The following CLDN12 variants were observed in gnomAD, a reference collection of about 807,000 sequenced individuals.
CLDN12 encodes the protein claudin-12.
CLDN12 carries 9 observed loss-of-function variants against 15.5 expected under a neutral mutation model. That is an observed-to-expected ratio of 0.58 (90% confidence interval 0.35 to 1.02). CLDN12 has a LOEUF of 1.02. Ranked by LOEUF, CLDN12 falls within the 50% of genes least tolerant of loss-of-function variation. CLDN12 has a pLI of 0.02. For missense variants in CLDN12, 233 were observed against 297.3 expected (o/e 0.78, Z 1.59); for synonymous variants, 140 against 121.6 (o/e 1.15, Z -1.00).
chr7:90,408,094 A>G (rs1319462261), intron 2 of CLDN12, among the ~76,000 whole-genome samples: 1 of 152,234 alleles, frequency 6.6e-6, no homozygotes, highest in Non-Finnish European at 1.5e-5. Context: ...AAACTAATTG[A>G]CACAGCACAA....
At chr7:90,406,689 G>A (rs978030047) in intron 2 of CLDN12, among the ~76,000 whole-genome samples, 11 of 152,206 alleles carry the variant, frequency 7.2e-5, no homozygotes, top group African/African-American at 1.2e-4. Flanking sequence ...GACTTGTCCA[G>A]TTTGTAAATG....
chr7:90,414,109 T>C lies in CLDN12; in HGVS notation c.*698T>C. On this transcript the variant is annotated 3_prime_UTR_variant, in exon 4 of 4. Coordinates refer to ENST00000496677, the MANE Select transcript of CLDN12 (RefSeq NM_001185072.3). ...TTGTATTATTGGGATTAGAATGTGC[T>C]TTATGACAGGTTAGTGTTTCCTCTG... The C allele has an allele frequency of 1.0e-6, 1 of 1,000,208 alleles. No individual in the cohort carries two copies. Among genetic ancestry groups the C allele is most frequent in the Non-Finnish European group, 1.2e-6 (1 of 829,970 alleles). 62.0% of individuals were successfully genotyped at this position (1,000,208 alleles called of 1,614,324 possible).
At chr7:90,410,347 G>A (rs1796933149) in intron 2 of CLDN12, among the ~76,000 whole-genome samples, 1 of 151,990 alleles carries the variant, frequency 6.6e-6, no homozygotes, top group Non-Finnish European at 1.5e-5. Flanking sequence ...AATACTGACA[G>A]AAGGTAACAT....
Position 90,413,377 on chromosome 7 carries a change from A to C in CLDN12, c.701A>C (p.Glu234Ala), listed in dbSNP as rs749880828. The C allele has an allele frequency of 3.1e-6, 5 of 1,613,836 alleles. No individual in the cohort carries two copies. The highest frequency in any genetic ancestry group is 1.6e-4 in the Middle Eastern group (1 of 6,084). Residue 234 changes from glutamate (E) to alanine (A), a missense_variant, in exon 4 of 4, where the codon GAA becomes GCA. Transcript: ENST00000496677. ...GCACGCTCTCGCCTCTCTGCCATTGAAATTGACATTCCAGTAGTTTCACAC... is the reference window on the plus strand; with the variant it reads ...GCACGCTCTCGCCTCTCTGCCATTGCAATTGACATTCCAGTAGTTTCACAC... Reference protein sequence around the residue: ...YSARSRLSAIEIDIPVVSHTT With the variant: ...YSARSRLSAIAIDIPVVSHTT
chr7:90,410,886 A>G (rs148037721), intron 2 of CLDN12, among the ~76,000 whole-genome samples: 6 of 152,138 alleles, frequency 3.9e-5, no homozygotes, highest in Admixed American at 3.3e-4. Context: ...GGTCCCAGCT[A>G]CTCAGGAGGC....
At chr7:90,408,071 T>A (rs967480051) in intron 2 of CLDN12, among the ~76,000 whole-genome samples, 1 of 152,156 alleles carries the variant, frequency 6.6e-6, no homozygotes, top group Admixed American at 6.5e-5. Flanking sequence ...TTGAAAAAAA[T>A]TATTGTGGAT....
chr7:90,406,719 C>G lies in CLDN12; in HGVS notation c.-77+1111C>G, dbSNP rs535066695. ...TAAATGATAGGTTATGAATGTTATT[C>G]AGGTCTTTGGTCTCCTGGACAACAA... On this transcript the variant is annotated intron_variant, in intron 2 of 3. Coordinates refer to ENST00000496677, the MANE Select transcript of CLDN12 (RefSeq NM_001185072.3). 1.4e-3 allele frequency among the ~76,000 whole-genome samples: 220 copies of G among 152,190 alleles called. 1 individual carries two copies. The highest frequency in any genetic ancestry group is 5.2e-3 in the African/African-American group (214 of 41,538).
chr7:90,410,254 C>T (rs1045027562), intron 2 of CLDN12, among the ~76,000 whole-genome samples: 3 of 151,772 alleles, frequency 2.0e-5, no homozygotes, highest in African/African-American at 7.3e-5. Flanking sequence ...AGCAAGACAG[C>T]TTTTTCCCAA....
chr7:90,404,528 AT>A (rs569266632), intron 1 of CLDN12, among the ~76,000 whole-genome samples: 12 of 150,140 alleles, frequency 8.0e-5, no homozygotes, highest in African/African-American at 1.5e-4. Flanking sequence ...TGGTGGAACT[AT>A]TTTTTTTTTA....
rs767652846 is a variant in CLDN12, at chr7:90,412,799, C to T, written c.123C>T (p.Phe41=). The T allele has an allele frequency of 3.1e-6, 5 of 1,614,098 alleles. No individual in the cohort carries two copies. Among genetic ancestry groups the T allele is most frequent in the Non-Finnish European group, 3.4e-6 (4 of 1,180,046 alleles). The stretch of plus-strand genomic sequence containing the variant: ...GGAGAAAATTACGATTGATCACATT[C>T]AACAGAAACGAGAAGAACCTGACTG... ...PNWRKLRLIT[F]NRNEKNLTVY... Residue 41 remains phenylalanine (F), a synonymous_variant, in exon 4 of 4, where the codon TTC becomes TTT. Coordinates refer to ENST00000496677, the MANE Select transcript of CLDN12 (RefSeq NM_001185072.3).
At chr7:90,411,484 C>A (rs941497966) in intron 2 of CLDN12, among the ~76,000 whole-genome samples, 7 of 152,268 alleles carry the variant, frequency 4.6e-5, no homozygotes, top group African/African-American at 1.7e-4. Flanking sequence ...AATGAAAGGC[C>A]TGGCGACTGT....
chr7:90,410,766 G>A (rs183757935), intron 2 of CLDN12, among the ~76,000 whole-genome samples: 6 of 152,244 alleles, frequency 3.9e-5, no homozygotes, highest in African/African-American at 4.8e-5. Context: ...GGAGGCTGAC[G>A]CTGGTGGATT....
In CLDN12 at chr7:90,414,286, C is replaced by G; in HGVS notation, c.*875C>G. On this transcript the variant is annotated 3_prime_UTR_variant, in exon 4 of 4. Coordinates refer to ENST00000496677, the MANE Select transcript of CLDN12 (RefSeq NM_001185072.3). ...AGTAGGGGACAAGAAGTCTGTTCTT[C>G]AGTGAGTACACTAGAGATTTACTCT... The G allele has an allele frequency of 1.0e-6, 1 of 1,000,218 alleles. No individual in the cohort carries two copies. The highest frequency in any genetic ancestry group is 1.7e-5 in the African/African-American group (1 of 57,354). The allele number at this position is 1,000,218 out of a possible 1,614,324, so 62.0% of individuals were successfully genotyped here.
In CLDN12 at chr7:90,413,189, T is replaced by G; in HGVS notation, c.513T>G (p.Phe171Leu). Residue 171 changes from phenylalanine to leucine, a missense_variant, in exon 4 of 4, where the codon TTT becomes TTG. Coordinates refer to ENST00000496677, the MANE Select transcript of CLDN12 (RefSeq NM_001185072.3). ...LNKKFEPVFS[F>L]DYAVYVTIAS... ...AGAAGTTTGAGCCAGTCTTTTCATT[T>G]GACTATGCAGTGTATGTCACTATTG... 1 of 1,614,242 alleles carries G rather than the reference T, an allele frequency of 6.2e-7. No homozygotes were observed. The highest frequency in any genetic ancestry group is 8.5e-7 in the Non-Finnish European group (1 of 1,180,040).
intron 1 of CLDN12, among the ~76,000 whole-genome samples, chr7:90,404,911 G>A (rs1033071180): frequency 2.9e-5 from 4 of 138,004 alleles, no homozygotes; most frequent in African/African-American, 1.1e-4. Flanking sequence ...TTTATTATTT[G>A]AGACAGATCA....
Position 90,404,999 on chromosome 7 carries a change from C to T in CLDN12, c.-166-520C>T, listed in dbSNP as rs144524106. Among the ~76,000 whole-genome samples, 304 of 151,756 alleles carry T rather than the reference C, an allele frequency of 2.0e-3. 1 individual carries two copies. The highest frequency in any genetic ancestry group is 6.9e-3 in the African/African-American group (285 of 41,364). On this transcript the variant is annotated intron_variant, in intron 1 of 3. Coordinates refer to ENST00000496677, the MANE Select transcript of CLDN12 (RefSeq NM_001185072.3). ...CCTCAAACTCCTGGGCTCAAGTGATCCTTCCATGTCAGCCTCCCAAGAAAC... is the reference window on the plus strand; with the variant it reads ...CCTCAAACTCCTGGGCTCAAGTGATTCTTCCATGTCAGCCTCCCAAGAAAC...
rs1223711404 is a variant in CLDN12 at position 90,413,310 on chromosome 7, T to TCC, written c.636_637dup (p.His213ProfsTer28). The TCC allele has an allele frequency of 1.2e-6, 2 of 1,614,094 alleles. No homozygotes were observed. The highest frequency in any genetic ancestry group is 2.7e-5 in the African/African-American group (2 of 74,938). On this transcript the variant is annotated frameshift_variant, in exon 4 of 4. Transcript: ENST00000496677. LOFTEE classifies it high-confidence loss of function. ...TTCTCCTTTCTGGCAACCATTGTAC[T>TCC]CCCATCCACCCAGTATGCATACTTA...
chr7:90,407,532 A>T (rs973472423), intron 2 of CLDN12, among the ~76,000 whole-genome samples: 1 of 152,200 alleles, frequency 6.6e-6, no homozygotes, highest in African/African-American at 2.4e-5. Context: ...TTGTTCATTC[A>T]TTCAGCAAAT....
At chr7:90,407,292 T>G (rs1796856262) in intron 2 of CLDN12, among the ~76,000 whole-genome samples, 1 of 152,210 alleles carries the variant, frequency 6.6e-6, no homozygotes, top group Non-Finnish European at 1.5e-5. Context: ...TGTAGGTACC[T>G]AAGGATGGCC....
Sources: gnomAD v4.1 joint callset for allele counts (sites outside exome capture counted in the v4.1 genomes callset) on GRCh38, gnomAD v4.1.1 for gene constraint, MANE v1.5 for transcripts, NCBI Gene and HGNC (gene_info 2026-07-23, HGNC 2026-07-21) for gene names.